Variants in NIPSNAP2 observed in about 807,000 individuals in gnomAD.
NIPSNAP2 encodes the protein nipsnap homolog 2.
In NIPSNAP2, 42 loss-of-function variants were observed where a neutral mutation model predicts 48.4. The observed-to-expected ratio is 0.87, with a 90% CI of 0.68 to 1.12. The LOEUF (loss-of-function observed/expected upper bound fraction) is 1.12, where lower values mean the gene tolerates loss of function less well. NIPSNAP2 is among the 50% of genes most tolerant of loss of function. The pLI, the probability that NIPSNAP2 is intolerant of heterozygous loss-of-function variation, is 0.00. For missense variants in NIPSNAP2, 314 were observed against 347.3 expected (o/e 0.90, Z 0.76); for synonymous variants, 158 against 126.6 (o/e 1.25, Z -1.67).
At chr7:55,968,621 G>A (rs9649783) in intron 1 of NIPSNAP2, among the ~76,000 whole-genome samples, 26,236 of 152,064 alleles carry the variant, frequency 0.17, 2,787 homozygotes, top group Non-Finnish European at 0.23. Flanking sequence ...TCCTGACCTC[G>A]TGATCTGCCC....
intron 1 of NIPSNAP2, among the ~76,000 whole-genome samples, chr7:55,977,864 T>C (rs1787133406): frequency 6.6e-6 from 1 of 152,218 alleles, no homozygotes; most frequent in Non-Finnish European, 1.5e-5. Flanking sequence ...GTATATTTTT[T>C]CTGTGTCAAA....
chr7:55,967,386 C>T (rs1397941121), intron 1 of NIPSNAP2, among the ~76,000 whole-genome samples: 3 of 152,214 alleles, frequency 2.0e-5, no homozygotes, highest in Admixed American at 6.5e-5. Flanking sequence ...TCTTCACTGC[C>T]CTAGCTCAAC....
Position 55,994,883 on chromosome 7 carries a change from C to G in NIPSNAP2, c.618-11C>G. 1 of 1,612,128 alleles carries G rather than the reference C, an allele frequency of 6.2e-7. No individual in the cohort carries two copies. Among genetic ancestry groups the G allele is most frequent in the Non-Finnish European group, 8.5e-7 (1 of 1,178,164 alleles). ...TCAGTGTCTTAAACAAACATCATCT[C>G]ATTCTTACAGGGCTCGTGCAATCCG... On this transcript the variant is annotated splice_polypyrimidine_tract_variant and intron_variant, in intron 7 of 9. Coordinates refer to ENST00000322090, the MANE Select transcript of NIPSNAP2 (RefSeq NM_001483.3).
chr7:55,964,739 G>A, intron 1 of NIPSNAP2, 38 bp downstream of exon 1: 2 of 1,039,144 alleles, frequency 1.9e-6, no homozygotes, highest in Non-Finnish European at 2.4e-6. Context: ...TGCCGGGGAG[G>A]GGCCGCCGCG....
At chr7:55,978,543 G>A (rs886297170) in intron 3 of NIPSNAP2, 148 bp downstream of exon 3, 16 of 739,502 alleles carry the variant, frequency 2.2e-5, no homozygotes, top group African/African-American at 2.0e-4. Flanking sequence ...TGAGCTTCAT[G>A]TGGGATTGCC....
intron 1 of NIPSNAP2, among the ~76,000 whole-genome samples, chr7:55,965,922 A>G (rs900751627): frequency 3.3e-5 from 5 of 152,186 alleles, no homozygotes; most frequent in African/African-American, 9.6e-5. Flanking sequence ...GAGAGGGGGC[A>G]GAATTAAGGG....
intron 3 of NIPSNAP2, chr7:55,979,488 C>G: frequency 3.7e-6 from 1 of 268,564 alleles, no homozygotes. Context: ...TCAGCCCGTT[C>G]CTTAGTTCTC....
chr7:55,983,678 T>C (rs1787266449), intron 5 of NIPSNAP2, 50 bp from the exon 6 acceptor site: 1 of 1,592,772 alleles, frequency 6.3e-7, no homozygotes, highest in Non-Finnish European at 8.6e-7. Context: ...TGAAATGGGC[T>C]TATATGTAAG....
At chr7:55,991,103 T>C (rs1408747442) in intron 7 of NIPSNAP2, among the ~76,000 whole-genome samples, 1 of 152,044 alleles carries the variant, frequency 6.6e-6, no homozygotes, top group East Asian at 1.9e-4. Context: ...AGTTTTTCTC[T>C]TTTTTCGGTT....
In NIPSNAP2 at chr7:55,982,256, C is replaced by T; in HGVS notation, c.420C>T (p.Val140=). The T allele has an allele frequency of 1.2e-6, 2 of 1,606,054 alleles. No homozygotes were observed. The highest frequency in any genetic ancestry group is 8.5e-7 in the Non-Finnish European group (1 of 1,173,140). ...GAGGCTATCCAGCCCTCACAGAAGT[C>T]ATGAATAAACTCAGAGAAAATAAGG... is the stretch of plus-strand genomic sequence containing the variant. The part of the protein sequence containing the change: ...YEGGYPALTE[V]MNKLRENKEF... Residue 140 remains valine, a synonymous_variant, in exon 5 of 10, where the codon GTC becomes GTT. Transcript: ENST00000322090.
intron 1 of NIPSNAP2, among the ~76,000 whole-genome samples, chr7:55,969,145 A>G (rs1263569295): frequency 6.6e-6 from 1 of 152,240 alleles, no homozygotes; most frequent in Non-Finnish European, 1.5e-5. Context: ...CAGGGCAGAA[A>G]AGTCTTGTCA....
At chr7:55,994,849 G>GT (rs748290206) in intron 7 of NIPSNAP2, 45 bp from the exon 8 acceptor site, 2 of 1,496,240 alleles carry the variant, frequency 1.3e-6, no homozygotes, top group Non-Finnish European at 1.9e-6. Flanking sequence ...TCTCGTTAGC[G>GT]TATCTAATTC....
rs1182910816 is a variant in NIPSNAP2, at chr7:55,978,365, C to T, written c.248C>T (p.Pro83Leu). 10 of 1,613,352 alleles carry T rather than the reference C, an allele frequency of 6.2e-6. No homozygotes were observed. In the East Asian group the frequency reaches 8.9e-5, roughly 14 times the overall value. Reference sequence around the variant, plus strand: ...TTTGTTTCAGTTCACAATGTTAAACCGGAATGCCTAGAAGCATACAACAAA... The same window carrying T: ...TTTGTTTCAGTTCACAATGTTAAACTGGAATGCCTAGAAGCATACAACAAA... ...LYKLQFHNVK[P>L]ECLEAYNKIC... Residue 83 changes from proline (P) to leucine (L), a missense_variant, in exon 3 of 10, where the codon CCG (proline) becomes CTG (leucine). Around this residue, in one of 2 missense-constraint regions of NIPSNAP2, gnomAD observed 198 missense variants for 185.5 expected, o/e 1.07. Transcript: ENST00000322090.
At chr7:55,974,796 C>T (rs1270052946) in intron 1 of NIPSNAP2, among the ~76,000 whole-genome samples, 1 of 145,346 alleles carries the variant, frequency 6.9e-6, no homozygotes, top group Non-Finnish European at 1.5e-5. Flanking sequence ...TGCAGTGAGC[C>T]AAGATCATGC....
intron 5 of NIPSNAP2, 34 bp downstream of exon 5, chr7:55,982,314 TGATATATA>T (rs1219794463): frequency 8.3e-7 from 1 of 1,206,204 alleles, no homozygotes. Context: ...CTTAGACTAA[TGATATATA>T]GATGTTAGTA....
chr7:55,993,721 C>T (rs914571256), intron 7 of NIPSNAP2, among the ~76,000 whole-genome samples: 4 of 152,002 alleles, frequency 2.6e-5, no homozygotes, highest in African/African-American at 9.7e-5. Context: ...GCCTGGGAGA[C>T]AGAGGAAGAC....
intron 7 of NIPSNAP2, among the ~76,000 whole-genome samples, chr7:55,986,719 A>G (rs1360226946): frequency 6.8e-6 from 1 of 147,472 alleles, no homozygotes; most frequent in Non-Finnish European, 1.5e-5. Context: ...AATTAAAAAG[A>G]CAAGTCATAT....
intron 1 of NIPSNAP2, among the ~76,000 whole-genome samples, chr7:55,971,283 CGGCTT>C (rs1321475648): frequency 6.6e-6 from 1 of 152,028 alleles, no homozygotes; most frequent in Non-Finnish European, 1.5e-5. Context: ...TAGTACTGGC[CGGCTT>C]GTTTTTCATT....
intron 1 of NIPSNAP2, among the ~76,000 whole-genome samples, chr7:55,976,799 G>A (rs1275441529): frequency 1.3e-5 from 2 of 152,058 alleles, no homozygotes; most frequent in Non-Finnish European, 2.9e-5. Context: ...GAGGTGGGAC[G>A]ATCACTTGAG....
Sources: allele counts gnomAD v4.1 joint callset (sites outside exome capture counted in the v4.1 genomes callset), GRCh38; gene constraint gnomAD v4.1.1; regional missense constraint gnomAD v4.1.1; transcripts MANE v1.5; gene names NCBI Gene and HGNC (gene_info 2026-07-23, HGNC 2026-07-21).